Variants in EYS observed in about 807,000 individuals in gnomAD.
EYS encodes EGF-like photoreceptor maintenance factor.
In EYS, 250 loss-of-function variants were observed where a neutral mutation model predicts 282.1. The ratio of observed to expected loss-of-function variants is 0.89; its 90% CI spans 0.80 to 0.98. EYS has a LOEUF of 0.98. Among genes scored for constraint, EYS ranks in the 50% least tolerant of loss-of-function variants. EYS has a pLI of 0.00. For missense variants in EYS, 4,016 were observed against 3,709.0 expected (o/e 1.08, Z -2.15); for synonymous variants, 1,355 against 1,282.9 (o/e 1.06, Z -1.20).
chr6:65,028,894 T>C (rs1033979551), intron 13 of EYS, among the ~76,000 whole-genome samples: 1 of 152,164 alleles, frequency 6.6e-6, no homozygotes, highest in Admixed American at 6.5e-5. Context: ...TTTTCTGCTA[T>C]AAGGAAGAGC....
chr6:64,305,737 A>G (rs1769418156), intron 30 of EYS, among the ~76,000 whole-genome samples: 1 of 152,180 alleles, frequency 6.6e-6, no homozygotes, highest in Non-Finnish European at 1.5e-5. Flanking sequence ...ACAATAATTA[A>G]CTAAAAATGG....
chr6:63,845,840 C>T (rs1301708819), intron 36 of EYS, among the ~76,000 whole-genome samples: 2 of 152,168 alleles, frequency 1.3e-5, no homozygotes, highest in African/African-American at 4.8e-5. Flanking sequence ...ACCTTAAGTC[C>T]TTTAACTTGC....
chr6:63,834,787 G>T (rs898174964), intron 36 of EYS, among the ~76,000 whole-genome samples: 5 of 151,820 alleles, frequency 3.3e-5, no homozygotes, highest in Non-Finnish European at 7.4e-5. Flanking sequence ...CAATAGCAAA[G>T]ACTTGGAACC....
chr6:65,597,304 T>C (rs1294188907), intron 2 of EYS, among the ~76,000 whole-genome samples: 1 of 152,002 alleles, frequency 6.6e-6, no homozygotes, highest in African/African-American at 2.4e-5. Flanking sequence ...TTGTGAAGGC[T>C]AAACAATTAG....
chr6:64,403,561 A>G (rs888700435), intron 28 of EYS, among the ~76,000 whole-genome samples: 37 of 152,084 alleles, frequency 2.4e-4, no homozygotes, highest in African/African-American at 8.7e-4. Flanking sequence ...GTTTCACCAT[A>G]TTGGCCAGGC....
chr6:65,250,702 C>T (rs557211601), intron 12 of EYS, among the ~76,000 whole-genome samples: 58 of 151,628 alleles, frequency 3.8e-4, no homozygotes, highest in Non-Finnish European at 7.1e-4. Context: ...AAAACTTCAA[C>T]AATACAGATG....
intron 13 of EYS, among the ~76,000 whole-genome samples, chr6:65,042,766 T>A (rs1012086521): frequency 6.6e-6 from 1 of 151,466 alleles, no homozygotes; most frequent in Admixed American, 6.6e-5. Flanking sequence ...TTCAAAGACT[T>A]CATGTCTTTC....
intron 12 of EYS, among the ~76,000 whole-genome samples, chr6:65,148,690 C>T (rs1028163985): frequency 6.6e-6 from 1 of 152,090 alleles, no homozygotes; most frequent in East Asian, 1.9e-4. Context: ...TCTGAACCCA[C>T]ATTTCCCTTC....
chr6:65,225,454 G>A (rs1358681996), intron 12 of EYS, among the ~76,000 whole-genome samples: 3 of 151,848 alleles, frequency 2.0e-5, no homozygotes, highest in South Asian at 2.1e-4. Context: ...GGTGGCTCAC[G>A]CCTGTAATCC....
chr6:65,296,432 G>A lies in EYS; in HGVS notation c.1767-313C>T, dbSNP rs116194608. Among the ~76,000 whole-genome samples the A allele has an allele frequency of 6.8e-3, 1,036 of 151,890 alleles. 17 individuals are homozygous for A. The highest frequency in any genetic ancestry group is 0.024 in the African/African-American group (994 of 41,474). On this transcript the variant is annotated intron_variant, in intron 11 of 42. Coordinates refer to ENST00000503581, the MANE Select transcript of EYS (RefSeq NM_001142800.2). ...TGCCTATGCTAATGTGTGTGTCTGT[G>A]TGTGTATTCATATATTATTAGGTTG...
At chr6:64,824,757 T>G (rs1765000823) in intron 19 of EYS, among the ~76,000 whole-genome samples, 1 of 151,954 alleles carries the variant, frequency 6.6e-6, no homozygotes. Context: ...CACTTCACTC[T>G]GTTTTTGAAA....
At chr6:64,320,641 T>C (rs1227319173) in intron 29 of EYS, among the ~76,000 whole-genome samples, 1 of 151,600 alleles carries the variant, frequency 6.6e-6, no homozygotes, top group Non-Finnish European at 1.5e-5. Flanking sequence ...GTCTTTTACG[T>C]TGATCATATA....
intron 32 of EYS, among the ~76,000 whole-genome samples, chr6:64,073,274 A>G (rs1771654771): frequency 6.6e-6 from 1 of 151,866 alleles, no homozygotes; most frequent in South Asian, 2.1e-4. Context: ...TGTTTTGCAA[A>G]TAACATATGA....
chr6:64,967,810 T>C (rs1408732124), intron 14 of EYS, among the ~76,000 whole-genome samples: 4 of 152,224 alleles, frequency 2.6e-5, no homozygotes, highest in African/African-American at 9.6e-5. Context: ...CTGCAATGTA[T>C]AAAAATGGCT....
intron 8 of EYS, among the ~76,000 whole-genome samples, chr6:65,366,964 G>A (rs1202279147): frequency 6.6e-6 from 1 of 151,514 alleles, no homozygotes; most frequent in East Asian, 1.9e-4. Context: ...AAGGACCTCT[G>A]TGATTATATC....
intron 15 of EYS, among the ~76,000 whole-genome samples, chr6:64,916,010 T>G (rs1475332458): frequency 1.3e-5 from 2 of 152,164 alleles, no homozygotes; most frequent in Non-Finnish European, 2.9e-5. Flanking sequence ...TACCCAGTCT[T>G]AAGAGAACTT....
Position 65,004,431 on chromosome 6 carries a change from A to G in EYS, c.2138-6728T>C, listed in dbSNP as rs985450259. Among the ~76,000 whole-genome samples the G allele has an allele frequency of 1.1e-4, 16 of 147,584 alleles. 2 individuals carry two copies. The highest frequency in any genetic ancestry group is 2.1e-4 in the Non-Finnish European group (14 of 65,936). On this transcript the variant is annotated intron_variant, in intron 13 of 42. Coordinates refer to ENST00000503581, the MANE Select transcript of EYS (RefSeq NM_001142800.2). The stretch of plus-strand genomic sequence containing the variant: ...ACATTCTACAATGGTCTGCTCTACA[A>G]TAATTGCAGCCGCTGAAGGAACTCA...
chr6:64,872,590 G>A (rs1209309280), intron 19 of EYS, among the ~76,000 whole-genome samples: 1 of 151,998 alleles, frequency 6.6e-6, no homozygotes, highest in African/African-American at 2.4e-5. Flanking sequence ...GGGAGTGGTA[G>A]TTGACTCCCC....
chr6:63,828,073 T>C (rs1464868187), intron 36 of EYS, among the ~76,000 whole-genome samples: 2 of 152,104 alleles, frequency 1.3e-5, no homozygotes, highest in East Asian at 3.9e-4. Flanking sequence ...TCAAAACCTC[T>C]GGGGTACAGC....
Sources: gnomAD v4.1 joint callset for allele counts (sites outside exome capture counted in the v4.1 genomes callset) on GRCh38, gnomAD v4.1.1 for gene constraint, MANE v1.5 for transcripts, NCBI Gene and HGNC (gene_info 2026-07-23, HGNC 2026-07-21) for gene names.